Variants in GRID2 observed in about 807,000 individuals in gnomAD.
The protein encoded by GRID2 is glutamate receptor ionotropic, delta-2.
In GRID2, 33 loss-of-function variants were observed where a neutral mutation model predicts 114.8. That is an observed-to-expected ratio of 0.29 (90% CI 0.22 to 0.38). The LOEUF is 0.38. Ranked by LOEUF, GRID2 falls within the 10% of genes least tolerant of loss-of-function variation. GRID2 has a pLI of 1.00. For synonymous variants in GRID2, 505 were observed against 449.9 expected, an observed-to-expected ratio of 1.12 and a Z score of -1.55; for missense variants, 1,184 against 1,257.7, an observed-to-expected ratio of 0.94 and a Z score of 0.89.
In GRID2 at chr4:93,453,351, AGAGAGAGAGT is replaced by A. The variant is rs1351895025; in HGVS notation, c.1546-2309_1546-2300del. On this transcript the variant is annotated intron_variant, in intron 10 of 15. Transcript: ENST00000282020. The stretch of plus-strand genomic sequence containing the variant: ...GAGAGAGAGAGAGAGAGAGAGAGAG[AGAGAGAGAGT>A]GTGTGTATTTGTTAGAAAAAGTTCA... Among the ~76,000 whole-genome samples, 50 of 108,152 alleles carry A rather than the reference AGAGAGAGAGT, an allele frequency of 4.6e-4. 1 individual carries two copies. The highest frequency in any genetic ancestry group is 1.1e-3 in the African/African-American group (38 of 34,672). 71.0% of individuals were successfully genotyped at this position (108,152 alleles called of 152,430 possible). A position where few individuals can be genotyped will look rare whatever the true frequency, so the allele number is the denominator to read the frequency against.
At position 92,725,949 on chromosome 4, in the gene GRID2, CTG is replaced by C. The variant is rs1236674021; in HGVS notation, c.244+135664_244+135665del. Among the ~76,000 whole-genome samples the C allele has an allele frequency of 3.3e-5, 5 of 152,076 alleles. No homozygotes were observed. In the East Asian group the frequency reaches 7.7e-4, roughly 24 times the overall value. ...AAATGAAGAATAAATTGTAAGAAAACTGAGAGAAACTCTAAAACATGGAAAAA... is the reference window on the plus strand; with the variant it reads ...AAATGAAGAATAAATTGTAAGAAAACAGAGAAACTCTAAAACATGGAAAAA... On this transcript the variant is annotated intron_variant, in intron 2 of 15. Coordinates refer to ENST00000282020, the MANE Select transcript of GRID2 (RefSeq NM_001510.4).
intron 1 of GRID2, among the ~76,000 whole-genome samples, chr4:92,419,225 A>G (rs34035117): frequency 0.13 from 19,684 of 152,116 alleles, 1,889 homozygotes; most frequent in African/African-American, 0.27. Flanking sequence ...TCTTCCATTT[A>G]TCTTTCTCCT....
At chr4:93,416,258 TAA>T (rs944720486) in intron 9 of GRID2, among the ~76,000 whole-genome samples, 1 of 151,708 alleles carries the variant, frequency 6.6e-6, no homozygotes, top group Non-Finnish European at 1.5e-5. Context: ...ATATGCTCTA[TAA>T]AAAAAAGTGA....
intron 1 of GRID2, among the ~76,000 whole-genome samples, chr4:92,390,866 A>G (rs544969856): frequency 2.6e-5 from 4 of 152,156 alleles, no homozygotes; most frequent in Non-Finnish European, 4.4e-5. Context: ...TAAAAGTTCC[A>G]TGATGTCAAG....
intron 2 of GRID2, among the ~76,000 whole-genome samples, chr4:92,618,947 G>T (rs560320568): frequency 1.3e-5 from 2 of 151,600 alleles, no homozygotes; most frequent in Admixed American, 1.3e-4. Flanking sequence ...CATTTTTCTA[G>T]ATCCTGTCTT....
chr4:92,566,940 A>G (rs1727366563), intron 1 of GRID2, among the ~76,000 whole-genome samples: 1 of 151,804 alleles, frequency 6.6e-6, no homozygotes, highest in Non-Finnish European at 1.5e-5. Flanking sequence ...AGAGCTGCCC[A>G]CTCTGGAGAT....
chr4:93,175,210 G>A (rs541400739), intron 4 of GRID2, among the ~76,000 whole-genome samples: 6 of 151,856 alleles, frequency 4.0e-5, no homozygotes, highest in East Asian at 1.9e-4. Context: ...TAACTCTGTC[G>A]CCCAGGCTGG....
At chr4:93,676,076 A>G (rs1301781556) in intron 14 of GRID2, among the ~76,000 whole-genome samples, 1 of 152,246 alleles carries the variant, frequency 6.6e-6, no homozygotes, top group Non-Finnish European at 1.5e-5. Context: ...AAAATAAAGC[A>G]TTCAGTATGT....
At chr4:93,561,163 G>T (rs1734889434) in intron 13 of GRID2, among the ~76,000 whole-genome samples, 2 of 152,062 alleles carry the variant, frequency 1.3e-5, no homozygotes, top group Admixed American at 1.3e-4. Flanking sequence ...TTGGTTATCG[G>T]TTGCTGATTG....
intron 4 of GRID2, among the ~76,000 whole-genome samples, chr4:93,171,190 A>G (rs985178360): frequency 3.9e-5 from 6 of 152,148 alleles, no homozygotes; most frequent in African/African-American, 1.4e-4. Flanking sequence ...TGATCTTTTA[A>G]CATTTTGTTC....
chr4:92,507,415 T>TTG (rs70940902), intron 1 of GRID2, among the ~76,000 whole-genome samples: 5,243 of 149,208 alleles, frequency 0.035, 248 homozygotes, highest in Admixed American at 0.12. Context: ...TCGTGTATAA[T>TTG]TGTGTGTGTG....
chr4:92,782,834 T>A (rs1739146922), intron 2 of GRID2, among the ~76,000 whole-genome samples: 1 of 152,038 alleles, frequency 6.6e-6, no homozygotes, highest in South Asian at 2.1e-4. Context: ...GTCTTCATCT[T>A]CCAACAGAAG....
chr4:93,319,757 C>A (rs541676497), intron 8 of GRID2: 3 of 152,196 alleles, frequency 2.0e-5, no homozygotes, highest in Non-Finnish European at 4.4e-5. Flanking sequence ...AGAGCCAGAC[C>A]AACTACTGAC....
intron 2 of GRID2, among the ~76,000 whole-genome samples, chr4:92,843,929 C>T (rs1394690012): frequency 6.6e-6 from 1 of 152,066 alleles, no homozygotes; most frequent in African/African-American, 2.4e-5. Context: ...TGTAACAATG[C>T]ATTCGTCATT....
chr4:93,750,909 A>G (rs1188286298), intron 14 of GRID2, among the ~76,000 whole-genome samples: 6 of 152,210 alleles, frequency 3.9e-5, no homozygotes, highest in Admixed American at 3.9e-4. Context: ...TTCTGCTAAG[A>G]ATCAAACAGG....
At chr4:92,992,918 A>G (rs1023938127) in intron 2 of GRID2, among the ~76,000 whole-genome samples, 2 of 152,080 alleles carry the variant, frequency 1.3e-5, no homozygotes, top group African/African-American at 4.8e-5. Context: ...AATTTTTCCC[A>G]GAGCTCTGCT....
chr4:92,455,867 C>T (rs1193269294), intron 1 of GRID2, among the ~76,000 whole-genome samples: 3 of 152,026 alleles, frequency 2.0e-5, no homozygotes, highest in Admixed American at 1.3e-4. Context: ...TTGCTGCCTG[C>T]GATTTGATTG....
At chr4:93,328,612 T>G (rs781729222) in intron 8 of GRID2, among the ~76,000 whole-genome samples, 1 of 152,192 alleles carries the variant, frequency 6.6e-6, no homozygotes, top group Non-Finnish European at 1.5e-5. Context: ...TCAAATTTAT[T>G]CCAAATTTCA....
chr4:93,629,882 C>CT (rs1743087742), intron 14 of GRID2, among the ~76,000 whole-genome samples: 2 of 152,150 alleles, frequency 1.3e-5, no homozygotes, highest in South Asian at 4.1e-4. Flanking sequence ...TTAGAACAAT[C>CT]ATATGAGGCA....
Sources: allele counts gnomAD v4.1 joint callset (sites outside exome capture counted in the v4.1 genomes callset), GRCh38; gene constraint gnomAD v4.1.1; transcripts MANE v1.5; gene names NCBI Gene and HGNC (gene_info 2026-07-23, HGNC 2026-07-21).